The following MDN1 variants were observed in gnomAD, a reference collection of about 807,000 sequenced individuals.
The protein encoded by MDN1 is midasin AAA ATPase 1.
A neutral mutation model predicts 669.2 loss-of-function variants in MDN1; 266 were observed. The observed-to-expected ratio is 0.40, with a 90% CI of 0.36 to 0.44. The LOEUF is 0.44. MDN1 is among the 20% of genes least tolerant of loss of function. The pLI, the probability that MDN1 is intolerant of heterozygous loss-of-function variation, is 1.00. For missense variants in MDN1, 5,940 were observed against 6,754.0 expected, an observed-to-expected ratio of 0.88 and a Z score of 4.22; for synonymous variants, 2,385 against 2,457.1, an observed-to-expected ratio of 0.97 and a Z score of 0.87.
At position 89,725,136 on chromosome 6, in the gene MDN1, C is replaced by T. The variant is rs1032634553; in HGVS notation, c.5670+63G>A. The T allele has an allele frequency of 2.7e-6, 4 of 1,465,652 alleles. No individual in the cohort carries two copies. In the African/African-American group the frequency reaches 5.6e-5, roughly 20 times the overall value. 90.8% of individuals were successfully genotyped at this position (1,465,652 alleles called of 1,614,324 possible). On this transcript the variant is annotated intron_variant, in intron 38 of 101. Transcript: ENST00000369393. ...TCATAGTGAATATCCTTAAAGGCTTCATAATAGTAGTCTTATCCCCTCCGA... is the reference window on the plus strand; with the variant it reads ...TCATAGTGAATATCCTTAAAGGCTTTATAATAGTAGTCTTATCCCCTCCGA...
intron 47 of MDN1, 80 bp from the exon 48 acceptor site, chr6:89,712,866 C>A: frequency 1.6e-6 from 2 of 1,278,358 alleles, no homozygotes; most frequent in Non-Finnish European, 2.2e-6. Context: ...TAATAATAGT[C>A]CATGCGACCA....
At chr6:89,806,388 T>C (rs1768021656) in intron 1 of MDN1, among the ~76,000 whole-genome samples, 1 of 152,004 alleles carries the variant, frequency 6.6e-6, no homozygotes, top group African/African-American at 2.4e-5. Context: ...TGTGGTAAGA[T>C]GCCATCTCTT....
intron 15 of MDN1, among the ~76,000 whole-genome samples, chr6:89,764,198 A>C (rs1490709565): frequency 6.6e-6 from 1 of 152,242 alleles, no homozygotes; most frequent in Non-Finnish European, 1.5e-5. Context: ...TCTGGGCAAC[A>C]GAGCAAGAAC....
intron 84 of MDN1, 125 bp downstream of exon 84, chr6:89,667,889 C>G: frequency 8.1e-7 from 1 of 1,227,380 alleles, no homozygotes. Context: ...ACCAATATAT[C>G]TAGGGCTCTG....
rs537468425 is a variant in MDN1 at position 89,747,434 on chromosome 6, G to C, written c.3799C>G (p.Gln1267Glu). Residue 1267 changes from glutamine (Q) to glutamate (E), a missense_variant, in exon 27 of 102, where the codon CAG (glutamine) becomes GAG (glutamate). By Grantham distance (29) the Gln-to-Glu change is conservative. Transcript: ENST00000369393. ...RRSSSVFAGK[Q>E]GFITLRDLFR... ...AGATCACGAAGGGTGATGAAGCCCT[G>C]CTTTCCAGCAAACACTGAAGAACTT... The C allele has an allele frequency of 1.2e-6, 2 of 1,613,976 alleles. No homozygotes were observed. Among genetic ancestry groups the C allele is most frequent in the East Asian group, 4.5e-5 (2 of 44,846 alleles).
intron 8 of MDN1, among the ~76,000 whole-genome samples, chr6:89,786,374 C>G (rs1046014557): frequency 6.6e-6 from 1 of 151,166 alleles, no homozygotes; most frequent in East Asian, 2.0e-4. Context: ...GAGGACTGCT[C>G]GAGTCCAGGA....
chr6:89,800,212 G>GA (rs991903467), intron 2 of MDN1, among the ~76,000 whole-genome samples: 1 of 152,152 alleles, frequency 6.6e-6, no homozygotes, highest in African/African-American at 2.4e-5. Flanking sequence ...CAGATCACCT[G>GA]AGATCGGGAG....
intron 56 of MDN1, 119 bp downstream of exon 56, chr6:89,700,521 AAGGTAT>A: frequency 1.1e-6 from 1 of 875,892 alleles, no homozygotes; most frequent in South Asian, 1.7e-5. Flanking sequence ...CACTTATATA[AAGGTAT>A]ATAAACTCTA....
chr6:89,702,388 C>G (rs1813220440), intron 53 of MDN1, among the ~76,000 whole-genome samples: 2 of 152,232 alleles, frequency 1.3e-5, no homozygotes, highest in African/African-American at 4.8e-5. Context: ...AGCAGCTGTA[C>G]CATTTTGTAC....
chr6:89,728,407 C>G (rs1285871681), intron 36 of MDN1, among the ~76,000 whole-genome samples: 1 of 152,112 alleles, frequency 6.6e-6, no homozygotes, highest in Admixed American at 6.6e-5. Flanking sequence ...GTGGATAATT[C>G]TCTCTCGAAA....
chr6:89,667,603 T>A (rs1280824534), intron 84 of MDN1, among the ~76,000 whole-genome samples: 3 of 152,210 alleles, frequency 2.0e-5, no homozygotes, highest in Non-Finnish European at 4.4e-5. Flanking sequence ...ACAGATTTTT[T>A]AAAACACTCT....
intron 63 of MDN1, 120 bp from the exon 64 acceptor site, chr6:89,690,954 C>G: frequency 8.3e-7 from 1 of 1,210,276 alleles, no homozygotes; most frequent in Non-Finnish European, 1.1e-6. Flanking sequence ...CAAATAAAAG[C>G]CAACATCCAA....
At chr6:89,734,477 AC>A (rs1236306394) in intron 33 of MDN1, among the ~76,000 whole-genome samples, 2 of 151,536 alleles carry the variant, frequency 1.3e-5, no homozygotes, top group African/African-American at 4.9e-5. Flanking sequence ...ATATGGCAAA[AC>A]CCTGTATCTA....
intron 9 of MDN1, among the ~76,000 whole-genome samples, 153 bp from the exon 10 acceptor site, chr6:89,781,745 C>T (rs1818685430): frequency 6.6e-6 from 1 of 150,650 alleles, no homozygotes; most frequent in Non-Finnish European, 1.5e-5. Flanking sequence ...AATCCCAACA[C>T]TCTGAGAAAC....
At chr6:89,779,141 G>A (rs1044811905) in intron 11 of MDN1, among the ~76,000 whole-genome samples, 1 of 152,070 alleles carries the variant, frequency 6.6e-6, no homozygotes, top group African/African-American at 2.4e-5. Context: ...GGGGAAAAGA[G>A]CTGGACAAAA....
rs755427685 is a variant in MDN1, at chr6:89,650,723, A to G, written c.16031+9T>C. 4 of 1,610,524 alleles carry G rather than the reference A, an allele frequency of 2.5e-6. No homozygotes were observed. Among genetic ancestry groups the G allele is most frequent in the Non-Finnish European group, 2.5e-6 (3 of 1,177,114 alleles). On this transcript the variant is annotated intron_variant, in intron 96 of 101. Coordinates refer to ENST00000369393, the MANE Select transcript of MDN1 (RefSeq NM_014611.3). ...GGCACTGTGAGGCCTTCCAGAGGGG[A>G]AGACTTACTTCAGCTTGGCTGCCTG...
chr6:89,700,081 G>A lies in MDN1; in HGVS notation c.8852C>T (p.Ala2951Val). The change falls in exon 57 of 102, where the codon GCA becomes GTA. Residue 2951 changes from alanine to valine, a missense_variant. Coordinates refer to ENST00000369393, the MANE Select transcript of MDN1 (RefSeq NM_014611.3). ...GGTTTACCTTCTGAGACAAGCTTGT[G>A]CCATAAAATCAGCTGTCACTTTGTA... ...WRYKVTADFMAQACLRRCSKN... is the reference protein window; with the variant it reads ...WRYKVTADFMVQACLRRCSKN... 1 of 1,614,006 alleles carries A rather than the reference G, an allele frequency of 6.2e-7. No individual in the cohort carries two copies. Among genetic ancestry groups the A allele is most frequent in the Non-Finnish European group, 8.5e-7 (1 of 1,179,908 alleles).
chr6:89,655,766 T>C lies in MDN1; in HGVS notation c.15488A>G (p.Tyr5163Cys), dbSNP rs772322603. The C allele has an allele frequency of 1.2e-6, 2 of 1,602,954 alleles. No individual in the cohort carries two copies. The highest frequency in any genetic ancestry group is 1.3e-5 in the African/African-American group (1 of 74,776). Reference protein sequence around the residue: ...QGSDAYDAQTYDVASKEQQQS... With the variant: ...QGSDAYDAQTCDVASKEQQQS... ...CAGCAGCTTTCCCAGGACCGTACCA[T>C]AGGTCTGTGCATCGTATGCGTCACT... Residue 5163 changes from tyrosine to cysteine, a missense_variant and splice_region_variant, in exon 92 of 102, where the codon TAT (tyrosine) becomes TGT (cysteine). Tyr to Cys is a radical substitution (Grantham distance 194, BLOSUM62 -2). Around this residue, in one of 5 missense-constraint regions of MDN1, gnomAD observed 2,280 missense variants for 2,576.3 expected, o/e 0.88. Coordinates refer to ENST00000369393, the MANE Select transcript of MDN1 (RefSeq NM_014611.3).
In MDN1 at chr6:89,754,086, A is replaced by G. The variant is rs1256104128; in HGVS notation, c.2961T>C (p.Tyr987=). The G allele has an allele frequency of 1.9e-6, 3 of 1,613,862 alleles. No individual in the cohort carries two copies. The highest frequency in any genetic ancestry group is 1.7e-4 in the Middle Eastern group (1 of 6,032). Reference sequence around the variant, plus strand: ...GTCAAAGAGACTTCAGAAAGACCTCATAGAGTGAGCGCTGAATGTTGCCAC... The same window carrying G: ...GTCAAAGAGACTTCAGAAAGACCTCGTAGAGTGAGCGCTGAATGTTGCCAC... ...NPCGNIQRSL[Y]EGFCLGFLTQ... The change falls in exon 21 of 102, where the codon TAT becomes TAC. Residue 987 remains tyrosine, a synonymous_variant. Transcript: ENST00000369393.
Sources: gnomAD v4.1 joint callset for allele counts (sites outside exome capture counted in the v4.1 genomes callset) on GRCh38, gnomAD v4.1.1 for gene constraint, gnomAD v4.1.1 regional missense constraint, MANE v1.5 for transcripts, NCBI Gene and HGNC (gene_info 2026-07-23, HGNC 2026-07-21) for gene names.